CNTNAP2: variants seen among roughly 807,000 people sequenced by gnomAD.
CNTNAP2 encodes the protein contactin-associated protein-like 2.
A neutral mutation model predicts 155.2 loss-of-function variants in CNTNAP2; 98 were observed. That is an observed-to-expected ratio of 0.63 (90% CI 0.54 to 0.75). The LOEUF is 0.75. CNTNAP2 is among the 30% of genes least tolerant of loss of function. CNTNAP2 has a pLI of 0.00. For synonymous variants in CNTNAP2, 651 were observed against 631.2 expected, an observed-to-expected ratio of 1.03 and a Z score of -0.47; for missense variants, 1,727 against 1,688.1, an observed-to-expected ratio of 1.02 and a Z score of -0.40.
At chr7:147,294,661 T>C (rs548432047) in intron 8 of CNTNAP2, among the ~76,000 whole-genome samples, 4 of 149,370 alleles carry the variant, frequency 2.7e-5, no homozygotes, top group Non-Finnish European at 4.5e-5. Flanking sequence ...CAAAGACAAT[T>C]TTTTTTTTTG....
intron 12 of CNTNAP2, among the ~76,000 whole-genome samples, chr7:147,589,520 A>G (rs927434019): frequency 1.3e-5 from 2 of 151,938 alleles, no homozygotes; most frequent in African/African-American, 2.4e-5. Flanking sequence ...TGAATCCTGC[A>G]TTTTCTTGAT....
In CNTNAP2 at chr7:147,147,741, TTCTA is replaced by T. The variant is rs529615034; in HGVS notation, c.1348+15234_1348+15237del. Reference sequence around the variant, plus strand: ...GATAACACCTGACATGCTACTGCCTTTCTATAGTAGCCGAACAGAGGAGAACAAT... The same window carrying T: ...GATAACACCTGACATGCTACTGCCTTTAGTAGCCGAACAGAGGAGAACAAT... On this transcript the variant is annotated intron_variant, in intron 8 of 23. Coordinates refer to ENST00000361727, the MANE Select transcript of CNTNAP2 (RefSeq NM_014141.6). Among the ~76,000 whole-genome samples the T allele has an allele frequency of 3.9e-5, 6 of 152,288 alleles. No individual in the cohort carries two copies. The East Asian group carries it at 1.2e-3, about 30-fold the overall frequency.
chr7:146,754,120 T>C (rs1801951428), intron 1 of CNTNAP2, among the ~76,000 whole-genome samples: 1 of 152,018 alleles, frequency 6.6e-6, no homozygotes, highest in Non-Finnish European at 1.5e-5. Flanking sequence ...TAATGCCTCA[T>C]ATCTTAATAT....
At position 147,457,579 on chromosome 7, in the gene CNTNAP2, T is replaced by G. The variant is rs1294700972; in HGVS notation, c.1671-28356T>G. Among the ~76,000 whole-genome samples, 4 of 152,118 alleles carry G rather than the reference T, an allele frequency of 2.6e-5. No individual in the cohort carries two copies. The East Asian group carries it at 7.7e-4, about 29-fold the overall frequency. On this transcript the variant is annotated intron_variant, in intron 10 of 23. Transcript: ENST00000361727. ...TGAGAGGTTTTTTTTCCTGTTTTTC[T>G]TATATTCCCTTCGCTGTTGCATTCT...
chr7:146,918,876 T>A (rs1318832285), intron 3 of CNTNAP2, among the ~76,000 whole-genome samples: 4 of 152,236 alleles, frequency 2.6e-5, no homozygotes, highest in East Asian at 1.9e-4. Flanking sequence ...GCTCCTTTTT[T>A]AAAAATTCAT....
intron 1 of CNTNAP2, among the ~76,000 whole-genome samples, chr7:146,234,035 C>T (rs199871929): frequency 1.8e-4 from 26 of 148,472 alleles, no homozygotes; most frequent in Non-Finnish European, 3.7e-4. Flanking sequence ...CCTGAGGAAT[C>T]GCCACACTGA....
chr7:147,720,228 T>TTTATG (rs1447433014), intron 13 of CNTNAP2, among the ~76,000 whole-genome samples: 2 of 152,152 alleles, frequency 1.3e-5, no homozygotes, highest in Non-Finnish European at 2.9e-5. Flanking sequence ...AAAAAGAGCA[T>TTTATG]TTATGGTATA....
chr7:146,188,335 A>G (rs1798652307), intron 1 of CNTNAP2, among the ~76,000 whole-genome samples: 1 of 152,178 alleles, frequency 6.6e-6, no homozygotes, highest in Non-Finnish European at 1.5e-5. Context: ...CTAACATAGA[A>G]CTCAAAGTAT....
chr7:147,790,808 G>A (rs1327354631), intron 13 of CNTNAP2, among the ~76,000 whole-genome samples: 1 of 152,216 alleles, frequency 6.6e-6, no homozygotes, highest in African/African-American at 2.4e-5. Flanking sequence ...CTCCACCTAT[G>A]TGGCAGTTTT....
chr7:147,343,524 A>C (rs1265549266), intron 9 of CNTNAP2, among the ~76,000 whole-genome samples: 3 of 152,142 alleles, frequency 2.0e-5, no homozygotes, highest in Non-Finnish European at 4.4e-5. Flanking sequence ...TACACTAGAG[A>C]AAGCCTTTAT....
At chr7:148,234,892 A>G (rs1487269305) in intron 20 of CNTNAP2, among the ~76,000 whole-genome samples, 1 of 152,250 alleles carries the variant, frequency 6.6e-6, no homozygotes, top group Non-Finnish European at 1.5e-5. Flanking sequence ...CTCGGAATCC[A>G]TATTCTCTAC....
chr7:148,160,231 C>A (rs1805492561), intron 17 of CNTNAP2, among the ~76,000 whole-genome samples: 1 of 151,828 alleles, frequency 6.6e-6, no homozygotes, highest in Non-Finnish European at 1.5e-5. Context: ...CAGAGTAAGA[C>A]CCTGTCTCAA....
chr7:146,362,250 G>A (rs922847911), intron 1 of CNTNAP2, among the ~76,000 whole-genome samples: 5 of 152,150 alleles, frequency 3.3e-5, no homozygotes, highest in Non-Finnish European at 1.5e-5. Context: ...ACAAAGCCTG[G>A]AATCCTGACT....
chr7:146,198,536 C>T (rs569349732), intron 1 of CNTNAP2, among the ~76,000 whole-genome samples: 75 of 152,196 alleles, frequency 4.9e-4, no homozygotes, highest in African/African-American at 1.7e-3. Flanking sequence ...TTAGCTTTAA[C>T]GTATTTAAAT....
intron 10 of CNTNAP2, among the ~76,000 whole-genome samples, chr7:147,467,680 A>G (rs1233788129): frequency 6.6e-6 from 1 of 152,212 alleles, no homozygotes; most frequent in African/African-American, 2.4e-5. Flanking sequence ...TAAGTAAATG[A>G]CTGACACGAT....
chr7:146,724,120 C>T (rs998790823), intron 1 of CNTNAP2, among the ~76,000 whole-genome samples: 14 of 152,110 alleles, frequency 9.2e-5, no homozygotes, highest in African/African-American at 3.1e-4. Context: ...AGGTGAGAAA[C>T]TGAAGAATCA....
intron 14 of CNTNAP2, among the ~76,000 whole-genome samples, chr7:147,925,197 A>AGGAAGGAG (rs1800369103): frequency 6.7e-6 from 1 of 149,710 alleles, no homozygotes; most frequent in African/African-American, 2.5e-5. Context: ...GAAGGAAGGA[A>AGGAAGGAG]GGAAGGAAGG....
At chr7:146,212,781 C>T (rs1221817654) in intron 1 of CNTNAP2, among the ~76,000 whole-genome samples, 2 of 152,080 alleles carry the variant, frequency 1.3e-5, no homozygotes, top group Non-Finnish European at 2.9e-5. Context: ...GGGCATGGGG[C>T]CCTTATAGAC....
At chr7:146,400,954 A>G (rs1795705411) in intron 1 of CNTNAP2, among the ~76,000 whole-genome samples, 1 of 152,158 alleles carries the variant, frequency 6.6e-6, no homozygotes, top group Non-Finnish European at 1.5e-5. Flanking sequence ...CCTGTGGCAA[A>G]CCCAAACTCA....
Sources: allele counts gnomAD v4.1 joint callset (sites outside exome capture counted in the v4.1 genomes callset), GRCh38; gene constraint gnomAD v4.1.1; transcripts MANE v1.5; gene names NCBI Gene and HGNC (gene_info 2026-07-23, HGNC 2026-07-21).